OSMR: variants seen among roughly 807,000 people sequenced by gnomAD.
The protein encoded by OSMR is oncostatin M receptor, also known as oncostatin-M-specific receptor subunit beta.
A neutral mutation model predicts 99.9 loss-of-function variants in OSMR; 81 were observed. The ratio of observed to expected loss-of-function variants is 0.81; its 90% CI spans 0.68 to 0.97. The LOEUF (loss-of-function observed/expected upper bound fraction) is 0.97, where lower values mean the gene tolerates loss of function less well. Ranked by LOEUF, OSMR falls within the 50% of genes least tolerant of loss-of-function variation. The pLI, the probability that OSMR is intolerant of heterozygous loss-of-function variation, is 0.00. For missense variants in OSMR, 1,099 were observed against 1,153.4 expected (o/e 0.95, Z 0.68); for synonymous variants, 406 against 410.4 (o/e 0.99, Z 0.13).
intron 15 of OSMR, among the ~76,000 whole-genome samples, chr5:38,927,617 A>G (rs1746530359): frequency 6.6e-6 from 1 of 152,124 alleles, no homozygotes; most frequent in Non-Finnish European, 1.5e-5. Flanking sequence ...AGCCCAGGAA[A>G]CCATTTTTCC....
Position 38,933,209 on chromosome 5 carries a change from T to TG in OSMR, c.2706dup (p.Asn903GlufsTer44). 6.2e-7 allele frequency: 1 copy of TG among 1,614,146 alleles called. No homozygotes were observed. Among genetic ancestry groups the TG allele is most frequent in the Non-Finnish European group, 8.5e-7 (1 of 1,180,010 alleles). On this transcript the variant is annotated frameshift_variant, in exon 18 of 18. Coordinates refer to ENST00000274276, the MANE Select transcript of OSMR (RefSeq NM_003999.3). LOFTEE classifies it low-confidence loss of function (END_TRUNC). ...CTAAAGGCACTAGAAAAAAACTACA[T>TG]GAACTCCCTGGGAGAAATCCCAGCT...
At chr5:38,920,943 A>G (rs999223772) in intron 11 of OSMR, among the ~76,000 whole-genome samples, 4 of 152,214 alleles carry the variant, frequency 2.6e-5, no homozygotes, top group African/African-American at 4.8e-5. Flanking sequence ...ATATCTTTAT[A>G]TAACCCAACT....
intron 3 of OSMR, 147 bp from the exon 4 acceptor site, chr5:38,881,446 G>A: frequency 6.5e-7 from 1 of 1,542,716 alleles, no homozygotes. Context: ...CAGAACATGG[G>A]GAATTGACTA....
intron 3 of OSMR, among the ~76,000 whole-genome samples, chr5:38,879,962 G>A (rs1323414899): frequency 2.6e-5 from 4 of 152,024 alleles, no homozygotes; most frequent in Non-Finnish European, 5.9e-5. Context: ...AAATAGTGAG[G>A]GTTTCATGGA....
At chr5:38,867,642 A>G (rs573619125) in intron 1 of OSMR, among the ~76,000 whole-genome samples, 2 of 152,350 alleles carry the variant, frequency 1.3e-5, no homozygotes, top group South Asian at 4.1e-4. Flanking sequence ...TGGTCAAAGT[A>G]CCTGATGAAT....
At chr5:38,868,091 C>A (rs530986941) in intron 1 of OSMR, among the ~76,000 whole-genome samples, 2 of 152,322 alleles carry the variant, frequency 1.3e-5, no homozygotes, top group East Asian at 3.9e-4. Flanking sequence ...TCTTTCTAAT[C>A]AGAGTTCGTG....
At chr5:38,906,491 A>G (rs1179112505) in intron 9 of OSMR, among the ~76,000 whole-genome samples, 1 of 152,238 alleles carries the variant, frequency 6.6e-6, no homozygotes, top group Non-Finnish European at 1.5e-5. Flanking sequence ...TTTATAAAAT[A>G]TAGTGCTATC....
chr5:38,853,874 G>A (rs1740645643), intron 1 of OSMR, among the ~76,000 whole-genome samples: 1 of 152,132 alleles, frequency 6.6e-6, no homozygotes, highest in South Asian at 2.1e-4. Context: ...GGGTGTGGGG[G>A]ACGGACATGA....
intron 7 of OSMR, 22 bp downstream of exon 7, chr5:38,886,212 C>T: frequency 6.2e-7 from 1 of 1,613,996 alleles, no homozygotes; most frequent in Non-Finnish European, 8.5e-7. Flanking sequence ...GTTGTCACAG[C>T]CCACCGTGGC....
At chr5:38,890,787 TA>T in intron 7 of OSMR, among the ~76,000 whole-genome samples, 1 of 152,068 alleles carries the variant, frequency 6.6e-6, no homozygotes. Context: ...TACCAGCATT[TA>T]AAAAAATTCT....
intron 9 of OSMR, among the ~76,000 whole-genome samples, chr5:38,906,366 C>A (rs1247268388): frequency 6.6e-6 from 1 of 152,140 alleles, no homozygotes; most frequent in Non-Finnish European, 1.5e-5. Flanking sequence ...TACTTCTGAT[C>A]ACGCTTTGCT....
intron 2 of OSMR, among the ~76,000 whole-genome samples, chr5:38,870,373 C>T (rs1742290874): frequency 1.3e-5 from 2 of 149,596 alleles, no homozygotes; most frequent in Non-Finnish European, 3.0e-5. Context: ...GCTCTGTCAC[C>T]CAGGCTGGAG....
chr5:38,933,782 G>A lies in OSMR; in HGVS notation c.*338G>A, dbSNP rs1335032576. ...CCACTCAGTACTGTACAGGGTGGCT[G>A]TGGTCCTAGAAGTTCAGTTTTTACT... is the stretch of plus-strand genomic sequence containing the variant. On this transcript the variant is annotated 3_prime_UTR_variant, in exon 18 of 18. Coordinates refer to ENST00000274276, the MANE Select transcript of OSMR (RefSeq NM_003999.3). 1 of 260,740 alleles carries A rather than the reference G, an allele frequency of 3.8e-6. No individual in the cohort carries two copies. The highest frequency in any genetic ancestry group is 7.7e-5 in the East Asian group (1 of 13,028). The allele number at this position is 260,740 out of a possible 1,614,324, so 16.2% of individuals were successfully genotyped here.
chr5:38,883,500 T>C (rs1263235142), intron 4 of OSMR, among the ~76,000 whole-genome samples: 1 of 152,244 alleles, frequency 6.6e-6, no homozygotes, highest in Non-Finnish European at 1.5e-5. Flanking sequence ...ACACTTAACA[T>C]GGCCTTCAGC....
At chr5:38,884,593 T>A (rs1743559729) in intron 5 of OSMR, among the ~76,000 whole-genome samples, 1 of 152,052 alleles carries the variant, frequency 6.6e-6, no homozygotes, top group African/African-American at 2.4e-5. Flanking sequence ...ACAGTGATGG[T>A]GATTGTGAGG....
chr5:38,930,715 T>C (rs972852228), intron 15 of OSMR, among the ~76,000 whole-genome samples: 5 of 152,182 alleles, frequency 3.3e-5, no homozygotes, highest in African/African-American at 1.2e-4. Flanking sequence ...GGACTGAGCA[T>C]TGTAATGGAA....
intron 7 of OSMR, among the ~76,000 whole-genome samples, chr5:38,889,112 T>G (rs10472311): frequency 0.1 from 15,750 of 152,122 alleles, 1,418 homozygotes; most frequent in African/African-American, 0.24. Context: ...GATTTTTTTC[T>G]TTTTCTTTAA....
Position 38,880,723 on chromosome 5 carries a change from G to A in OSMR, c.247-870G>A, listed in dbSNP as rs1234016912. Reference sequence around the variant, plus strand: ...AGGCATATCCAGAAGTGTGGGGGAGGTGCTATGTTTGGAGAGACGATTCCT... The same window carrying A: ...AGGCATATCCAGAAGTGTGGGGGAGATGCTATGTTTGGAGAGACGATTCCT... On this transcript the variant is annotated intron_variant, in intron 3 of 17. Transcript: ENST00000274276. 5.3e-5 allele frequency among the ~76,000 whole-genome samples: 8 copies of A among 152,196 alleles called. No homozygotes were observed. The East Asian group carries it at 1.5e-3, about 29-fold the overall frequency.
intron 10 of OSMR, chr5:38,918,620 C>A (rs1579788993): frequency 2.4e-6 from 1 of 423,412 alleles, no homozygotes; most frequent in East Asian, 1.6e-4. Flanking sequence ...GCTCTTGAGG[C>A]TCTTATCTCC....
Sources: gnomAD v4.1 joint callset for allele counts (sites outside exome capture counted in the v4.1 genomes callset) on GRCh38, gnomAD v4.1.1 for gene constraint, MANE v1.5 for transcripts, NCBI Gene and HGNC (gene_info 2026-07-23, HGNC 2026-07-21) for gene names.